BMPER: variants seen among roughly 807,000 people sequenced by gnomAD.
The protein encoded by BMPER is BMP-binding endothelial regulator protein.
BMPER carries 45 observed loss-of-function variants against 87.3 expected under a neutral mutation model. The observed-to-expected ratio is 0.52, with a 90% CI of 0.41 to 0.66. The LOEUF is 0.66. Among genes scored for constraint, BMPER ranks in the 30% least tolerant of loss-of-function variants. The pLI is 0.00. For synonymous variants in BMPER, 326 were observed against 316.2 expected (o/e 1.03, Z -0.33); for missense variants, 784 against 867.5 (o/e 0.90, Z 1.21).
chr7:34,124,488 G>A (rs776574944), intron 13 of BMPER, among the ~76,000 whole-genome samples: 97 of 150,250 alleles, frequency 6.5e-4, no homozygotes, highest in Non-Finnish European at 1.2e-3. Flanking sequence ...TTAGCATTGT[G>A]AAGTGGGTCT....
intron 2 of BMPER, among the ~76,000 whole-genome samples, chr7:33,913,670 C>G (rs1189364332): frequency 1.3e-5 from 2 of 152,298 alleles, no homozygotes; most frequent in East Asian, 3.9e-4. Context: ...TAGAAAGACT[C>G]CAAACCATGC....
chr7:34,002,135 G>C (rs73329104), intron 6 of BMPER, among the ~76,000 whole-genome samples: 1 of 151,692 alleles, frequency 6.6e-6, no homozygotes, highest in Non-Finnish European at 1.5e-5. Flanking sequence ...TGTGTATTTT[G>C]TTGTTTTAGA....
chr7:34,136,700 G>C lies in BMPER; in HGVS notation c.1746-6530G>C, dbSNP rs145217020. On this transcript the variant is annotated intron_variant, in intron 13 of 14. Transcript: ENST00000649409. ...GTTTTCTTGCTATCTTCCTTGCACTGTTGCGTTCTGCCTTGATCCTGCCAT... is the reference window on the plus strand; with the variant it reads ...GTTTTCTTGCTATCTTCCTTGCACTCTTGCGTTCTGCCTTGATCCTGCCAT... Among the ~76,000 whole-genome samples the C allele has an allele frequency of 5.9e-5, 9 of 152,358 alleles. No homozygotes were observed. In the South Asian group the frequency reaches 1.0e-3, roughly 18 times the overall value.
chr7:34,050,699 C>T (rs1788126632), intron 7 of BMPER, among the ~76,000 whole-genome samples: 1 of 152,096 alleles, frequency 6.6e-6, no homozygotes, highest in South Asian at 2.1e-4. Context: ...ATTAAAGTAA[C>T]ATTGCAGAGA....
chr7:34,045,910 GT>G (rs1364160047), intron 6 of BMPER, among the ~76,000 whole-genome samples: 1 of 152,192 alleles, frequency 6.6e-6, no homozygotes, highest in East Asian at 1.9e-4. Flanking sequence ...AGAGAAGGCA[GT>G]GACCTATTAG....
rs1791289339 is a variant in BMPER, at chr7:34,155,684, A to G, written c.*2411A>G. On this transcript the variant is annotated 3_prime_UTR_variant, in exon 15 of 15. Transcript: ENST00000649409. The stretch of plus-strand genomic sequence containing the variant: ...GAAATCAGCTGAATGGTTGGCCTGC[A>G]TATTCTTTTTTAGGCCACAGGCTAC... 6.6e-6 allele frequency: 1 copy of G among 152,198 alleles called. No individual in the cohort carries two copies. 9.4% of individuals were successfully genotyped at this position (152,198 alleles called of 1,614,324 possible). A position where few individuals can be genotyped will look rare whatever the true frequency, so the allele number is the denominator to read the frequency against.
chr7:33,981,394 C>T (rs1280735647), intron 6 of BMPER, among the ~76,000 whole-genome samples: 2 of 152,336 alleles, frequency 1.3e-5, no homozygotes, highest in East Asian at 3.9e-4. Context: ...TCCGCCCACT[C>T]ATCCAGCACT....
At chr7:34,018,203 G>T (rs751889104) in intron 6 of BMPER, among the ~76,000 whole-genome samples, 1 of 151,860 alleles carries the variant, frequency 6.6e-6, no homozygotes, top group African/African-American at 2.4e-5. Flanking sequence ...TGGTTTGAAG[G>T]CTCTAATTAT....
intron 13 of BMPER, among the ~76,000 whole-genome samples, chr7:34,141,435 C>T (rs1429597279): frequency 6.6e-6 from 1 of 151,792 alleles, no homozygotes; most frequent in Non-Finnish European, 1.5e-5. Context: ...CATGGTGAAA[C>T]CCTGTCTATA....
Position 33,906,037 on chromosome 7 carries a change from C to A in BMPER, c.133+291C>A, listed in dbSNP as rs114091445. On this transcript the variant is annotated intron_variant, in intron 1 of 14. Coordinates refer to ENST00000649409, the MANE Select transcript of BMPER (RefSeq NM_001365308.1). ...TGCTTTCCTCAACTTTTATTTTAATCTTTCCCTCTGTAGAACTCAGGAAAA... is the reference window on the plus strand; with the variant it reads ...TGCTTTCCTCAACTTTTATTTTAATATTTCCCTCTGTAGAACTCAGGAAAA... 6.0e-3 allele frequency among the ~76,000 whole-genome samples: 911 copies of A among 152,244 alleles called. 7 individuals are homozygous for A. Among genetic ancestry groups the A allele is most frequent in the African/African-American group, 0.02 (846 of 41,558 alleles).
chr7:33,987,393 AAGG>A (rs1306309063), intron 6 of BMPER, among the ~76,000 whole-genome samples: 1 of 152,162 alleles, frequency 6.6e-6, no homozygotes, highest in African/African-American at 2.4e-5. Context: ...ACAAACACAC[AAGG>A]AGAAGAGTAC....
At chr7:33,986,937 G>A (rs983825242) in intron 6 of BMPER, among the ~76,000 whole-genome samples, 2 of 151,696 alleles carry the variant, frequency 1.3e-5, no homozygotes, top group Non-Finnish European at 1.5e-5. Flanking sequence ...TTTGTGCTTC[G>A]TGGCTCCCCT....
chr7:33,956,246 A>G (rs560522943), intron 3 of BMPER, among the ~76,000 whole-genome samples: 1 of 152,362 alleles, frequency 6.6e-6, no homozygotes, highest in African/African-American at 2.4e-5. Context: ...CCTCATCAAT[A>G]TAACAATCAT....
At chr7:34,047,379 A>C (rs1319703198) in intron 7 of BMPER, among the ~76,000 whole-genome samples, 1 of 151,948 alleles carries the variant, frequency 6.6e-6, no homozygotes, top group African/African-American at 2.4e-5. Flanking sequence ...CCTGGGTTCA[A>C]GTGATTCTTG....
At chr7:33,908,074 G>A (rs1783867276) in intron 2 of BMPER, among the ~76,000 whole-genome samples, 1 of 152,100 alleles carries the variant, frequency 6.6e-6, no homozygotes, top group African/African-American at 2.4e-5. Flanking sequence ...CTGAGAGAGG[G>A]TGTATTATGA....
intron 13 of BMPER, among the ~76,000 whole-genome samples, chr7:34,113,783 C>T (rs190728485): frequency 7.2e-5 from 11 of 152,080 alleles, no homozygotes; most frequent in African/African-American, 2.2e-4. Context: ...CAGTTATCTT[C>T]GCAACATGGC....
Position 34,154,527 on chromosome 7 carries a change from A to G in BMPER, c.*1254A>G, listed in dbSNP as rs370930089. On this transcript the variant is annotated 3_prime_UTR_variant, in exon 15 of 15. Transcript: ENST00000649409. Reference sequence around the variant, plus strand: ...TTTCTCTCTCAAGATGTCCTGTGTTATACTTTACAATTAGTTGTATCAACT... The same window carrying G: ...TTTCTCTCTCAAGATGTCCTGTGTTGTACTTTACAATTAGTTGTATCAACT... The G allele has an allele frequency of 2.0e-3, 299 of 152,378 alleles. No homozygotes were observed. Among genetic ancestry groups the G allele is most frequent in the African/African-American group, 7.0e-3 (291 of 41,590 alleles). 9.4% of individuals were successfully genotyped at this position (152,378 alleles called of 1,614,324 possible).
At chr7:34,139,835 C>T (rs1397934771) in intron 13 of BMPER, among the ~76,000 whole-genome samples, 1 of 152,120 alleles carries the variant, frequency 6.6e-6, no homozygotes, top group Non-Finnish European at 1.5e-5. Context: ...TCTAGCTCGG[C>T]CCTTATTATG....
intron 13 of BMPER, among the ~76,000 whole-genome samples, chr7:34,098,643 A>G (rs1789598264): frequency 6.6e-6 from 1 of 152,176 alleles, no homozygotes; most frequent in Non-Finnish European, 1.5e-5. Flanking sequence ...ATCTGCGAGC[A>G]TGAAGGTAGA....
Sources: allele counts gnomAD v4.1 joint callset (sites outside exome capture counted in the v4.1 genomes callset), GRCh38; gene constraint gnomAD v4.1.1; transcripts MANE v1.5; gene names NCBI Gene and HGNC (gene_info 2026-07-23, HGNC 2026-07-21).